SLC17A6: variants seen among roughly 807,000 people sequenced by gnomAD.
SLC17A6 encodes the protein vesicular glutamate transporter 2.
SLC17A6 carries 35 observed loss-of-function variants against 67.1 expected under a neutral mutation model. The observed-to-expected ratio is 0.52, with a 90% confidence interval of 0.40 to 0.69. The LOEUF (loss-of-function observed/expected upper bound fraction) is 0.69, where lower values mean the gene tolerates loss of function less well. Ranked by LOEUF, SLC17A6 falls within the 30% of genes least tolerant of loss-of-function variation. The pLI is 0.00. For synonymous variants in SLC17A6, 285 were observed against 252.3 expected, an observed-to-expected ratio of 1.13 and a Z score of -1.23; for missense variants, 588 against 723.9, an observed-to-expected ratio of 0.81 and a Z score of 2.15.
intron 3 of SLC17A6, among the ~76,000 whole-genome samples, chr11:22,347,005 A>G (rs186638650): frequency 9.9e-4 from 150 of 151,836 alleles, no homozygotes; most frequent in African/African-American, 3.5e-3. Context: ...TCTATTTAAT[A>G]TTTTTAATAC....
At chr11:22,342,973 C>G (rs763243499) in intron 2 of SLC17A6, 1 of 546,764 alleles carries the variant, frequency 1.8e-6, no homozygotes, top group African/African-American at 1.9e-5. Flanking sequence ...TAGATTCCTC[C>G]TTCATTCAGA....
intron 3 of SLC17A6, among the ~76,000 whole-genome samples, chr11:22,343,724 G>A (rs1855845238): frequency 6.6e-6 from 1 of 151,702 alleles, no homozygotes; most frequent in South Asian, 2.1e-4. Context: ...GTGTAGAACG[G>A]CAGATGCTGC....
At chr11:22,377,353 C>T (rs1856242506) in intron 11 of SLC17A6, 52 bp from the exon 12 acceptor site, 15 of 1,464,862 alleles carry the variant, frequency 1.0e-5, no homozygotes, top group South Asian at 2.6e-5. Flanking sequence ...AGATGTTAGG[C>T]GTTTAAATCA....
intron 5 of SLC17A6, among the ~76,000 whole-genome samples, chr11:22,361,484 T>C (rs1856052631): frequency 6.6e-6 from 1 of 152,100 alleles, no homozygotes; most frequent in African/African-American, 2.4e-5. Context: ...TGAATTATAG[T>C]GAATAAAATG....
Position 22,378,568 on chromosome 11 carries a change from G to A in SLC17A6, c.*828G>A, listed in dbSNP as rs182788230. 0.011 allele frequency: 1,618 copies of A among 143,130 alleles called. 20 individuals are homozygous for A. The highest frequency in any genetic ancestry group is 0.051 in the Middle Eastern group (14 of 274). The allele number at this position is 143,130 out of a possible 1,614,324, so 8.9% of individuals were successfully genotyped here. The stretch of plus-strand genomic sequence containing the variant: ...GTTGTAACTTGCATTAGAAAAAAAA[G>A]AGATATATACACCACAAAGAATCTA... On this transcript the variant is annotated 3_prime_UTR_variant, in exon 12 of 12. Transcript: ENST00000263160.
chr11:22,377,154 ATATTT>A (rs2133880495), intron 11 of SLC17A6, among the ~76,000 whole-genome samples: 1 of 152,360 alleles, frequency 6.6e-6, no homozygotes, highest in African/African-American at 2.4e-5. Context: ...GAGATTATGA[ATATTT>A]TAAAAATCAG....
intron 2 of SLC17A6, among the ~76,000 whole-genome samples, chr11:22,342,725 T>C (rs1855831574): frequency 6.6e-6 from 1 of 152,146 alleles, no homozygotes; most frequent in African/African-American, 2.4e-5. Flanking sequence ...CAGGCCCATA[T>C]CCGTCCCCAT....
At chr11:22,361,160 A>G in intron 5 of SLC17A6, 176 bp downstream of exon 5, 1 of 520,274 alleles carries the variant, frequency 1.9e-6, no homozygotes, top group East Asian at 3.0e-5. Context: ...TTTTGCTTAA[A>G]TCTTCTATTT....
At position 22,359,535 on chromosome 11, in the gene SLC17A6, A is replaced by C; in HGVS notation, c.573+8A>C. The C allele has an allele frequency of 6.5e-7, 1 of 1,541,158 alleles. No homozygotes were observed. The highest frequency in any genetic ancestry group is 8.8e-7 in the Non-Finnish European group (1 of 1,138,664). ...CTGCAGGGACTTGTTGAGGTATGTA[A>C]CTTCAGGGTGAAGCCTTTTTAAGAT... On this transcript the variant is annotated splice_region_variant and intron_variant, in intron 4 of 11. Transcript: ENST00000263160.
intron 3 of SLC17A6, among the ~76,000 whole-genome samples, chr11:22,357,805 T>A (rs1856007537): frequency 6.6e-6 from 1 of 152,216 alleles, no homozygotes; most frequent in Non-Finnish European, 1.5e-5. Flanking sequence ...AACCTTAGCA[T>A]GCAAAATTAT....
chr11:22,369,076 AT>A (rs56043982), intron 7 of SLC17A6, among the ~76,000 whole-genome samples: 59,169 of 151,432 alleles, frequency 0.39, 11,585 homozygotes, highest in Admixed American at 0.43. Context: ...TCTTTCAGTA[AT>A]TTAGTTAGGT....
At position 22,351,030 on chromosome 11, in the gene SLC17A6, A is replaced by T. The variant is rs1306455365; in HGVS notation, c.458+7665A>T. 2.6e-5 allele frequency among the ~76,000 whole-genome samples: 4 copies of T among 152,064 alleles called. No homozygotes were observed. The South Asian group carries it at 8.3e-4, about 31-fold the overall frequency. ...AAAAAATAAATATTTAATTTTACAA[A>T]ATGTATTTATTTCTAGAAAATGCTT... On this transcript the variant is annotated intron_variant, in intron 3 of 11. Transcript: ENST00000263160.
At chr11:22,362,635 C>G in intron 5 of SLC17A6, 104 bp from the exon 6 acceptor site, 2 of 900,460 alleles carry the variant, frequency 2.2e-6, no homozygotes, top group Non-Finnish European at 3.6e-6. Context: ...GCCCATGTAC[C>G]TGAGTGTTCC....
At chr11:22,342,132 A>C (rs1314708148) in intron 2 of SLC17A6, among the ~76,000 whole-genome samples, 1 of 152,262 alleles carries the variant, frequency 6.6e-6, no homozygotes, top group Non-Finnish European at 1.5e-5. Flanking sequence ...TATTAATTAT[A>C]GTTTTCCCAG....
chr11:22,351,901 A>G lies in SLC17A6; in HGVS notation c.459-7512A>G, dbSNP rs142813177. Among the ~76,000 whole-genome samples the G allele has an allele frequency of 7.6e-3, 1,160 of 152,326 alleles. 5 individuals are homozygous for G. The highest frequency in any genetic ancestry group is 0.031 in the Middle Eastern group (9 of 294). ...TAGGGATAATAAAACTCACATGAAC[A>G]TTAAATGTTTCTTGTTATATAATCT... On this transcript the variant is annotated intron_variant, in intron 3 of 11. Transcript: ENST00000263160.
At chr11:22,343,128 C>A (rs1407260171) in intron 2 of SLC17A6, 119 bp from the exon 3 acceptor site, 1 of 817,982 alleles carries the variant, frequency 1.2e-6, no homozygotes, top group Non-Finnish European at 2.1e-6. Flanking sequence ...CCACTCTTAT[C>A]CCCAGAATGC....
At position 22,376,585 on chromosome 11, in the gene SLC17A6, C is replaced by T; in HGVS notation, c.1326C>T (p.Ala442=). Reference sequence around the variant, plus strand: ...ACTTGGATATCGCTCCAAGATATGCCAGTATCTTAATGGGCATTTCGAATG... The same window carrying T: ...ACTTGGATATCGCTCCAAGATATGCTAGTATCTTAATGGGCATTTCGAATG... ...VNHLDIAPRY[A]SILMGISNGV... The change falls in exon 11 of 12, where the codon GCC becomes GCT. Residue 442 remains alanine (A), a synonymous_variant. Coordinates refer to ENST00000263160, the MANE Select transcript of SLC17A6 (RefSeq NM_020346.3). The T allele has an allele frequency of 1.9e-6, 3 of 1,613,808 alleles. No homozygotes were observed. The highest frequency in any genetic ancestry group is 2.5e-6 in the Non-Finnish European group (3 of 1,179,816).
Position 22,338,490 on chromosome 11 carries a change from T to A in SLC17A6, c.-44T>A, listed in dbSNP as rs377618456. 15 of 1,368,816 alleles carry A rather than the reference T, an allele frequency of 1.1e-5. No homozygotes were observed. The highest frequency in any genetic ancestry group is 1.7e-5 in the Admixed American group (1 of 57,866). The allele number at this position is 1,368,816 out of a possible 1,614,324, so 84.8% of individuals were successfully genotyped here. A position where few individuals can be genotyped will look rare whatever the true frequency, so the allele number is the denominator to read the frequency against. Reference sequence around the variant, plus strand: ...GCGCAATCCTCGCCTTTCCTAGCAATCACTATTTAAATCTGGCAAGAACTG... The same window carrying A: ...GCGCAATCCTCGCCTTTCCTAGCAAACACTATTTAAATCTGGCAAGAACTG... On this transcript the variant is annotated 5_prime_UTR_variant, in exon 1 of 12. Transcript: ENST00000263160.
intron 3 of SLC17A6, among the ~76,000 whole-genome samples, chr11:22,355,981 G>A (rs1702773076): frequency 6.6e-6 from 1 of 152,112 alleles, no homozygotes; most frequent in African/African-American, 2.4e-5. Context: ...CTACACTGAG[G>A]TCCATCCTCT....
Sources: allele counts gnomAD v4.1 joint callset (sites outside exome capture counted in the v4.1 genomes callset), GRCh38; gene constraint gnomAD v4.1.1; transcripts MANE v1.5; gene names NCBI Gene and HGNC (gene_info 2026-07-23, HGNC 2026-07-21).